TENM3: variants seen among roughly 807,000 people sequenced by gnomAD.
The protein encoded by TENM3 is teneurin transmembrane protein 3.
A neutral mutation model predicts 255.1 loss-of-function variants in TENM3; 63 were observed. The ratio of observed to expected loss-of-function variants is 0.25; its 90% confidence interval spans 0.20 to 0.30. The LOEUF (loss-of-function observed/expected upper bound fraction) is 0.30. TENM3 is among the 10% of genes least tolerant of loss of function. TENM3 has a pLI of 1.00. For missense variants in TENM3, 2,929 were observed against 3,461.1 expected (o/e 0.85, Z 3.86); for synonymous variants, 1,306 against 1,322.3 (o/e 0.99, Z 0.27).
At chr4:182,100,640 T>TATATATACACATATATATACAC in the TENM3 span, among the ~76,000 whole-genome samples, 1 of 50,836 alleles carries the variant, frequency 2.0e-5, no homozygotes, top group Non-Finnish European at 3.8e-5. Flanking sequence ...TATATACACA[T>TATATATACACATATATATACAC]ATATATACAC....
chr4:181,789,038 T>G, the TENM3 span, among the ~76,000 whole-genome samples: 1 of 152,272 alleles, frequency 6.6e-6, no homozygotes, highest in Non-Finnish European at 1.5e-5. Context: ...GTTGGGATAC[T>G]GGCTAGGTGG....
intron 2 of TENM3, among the ~76,000 whole-genome samples, chr4:182,337,513 G>A (rs1764219125): frequency 6.6e-6 from 1 of 152,094 alleles, no homozygotes; most frequent in Admixed American, 6.6e-5. Flanking sequence ...TCATCTTCCA[G>A]AATGGCTAAA....
chr4:181,947,898 C>A, the TENM3 span, among the ~76,000 whole-genome samples: 2 of 152,034 alleles, frequency 1.3e-5, no homozygotes, highest in South Asian at 4.1e-4. Flanking sequence ...TGATACCACC[C>A]CAAAGAGGAA....
At chr4:182,171,653 A>G (rs1488563305) in intron 1 of TENM3, among the ~76,000 whole-genome samples, 1 of 152,168 alleles carries the variant, frequency 6.6e-6, no homozygotes, top group Non-Finnish European at 1.5e-5. Flanking sequence ...GTAATGCACA[A>G]CATAGTTCAG....
At chr4:182,441,136 A>G (rs1772449125) in intron 3 of TENM3, among the ~76,000 whole-genome samples, 1 of 152,156 alleles carries the variant, frequency 6.6e-6, no homozygotes, top group African/African-American at 2.4e-5. Flanking sequence ...CTGGGAGGGT[A>G]TCACAAAATT....
At chr4:181,493,178 C>T in the TENM3 span, among the ~76,000 whole-genome samples, 1 of 151,594 alleles carries the variant, frequency 6.6e-6, no homozygotes, top group Non-Finnish European at 1.5e-5. Flanking sequence ...TGCCTTTAAT[C>T]TCAATATTTT....
intron 3 of TENM3, among the ~76,000 whole-genome samples, chr4:182,597,990 G>A (rs545245279): frequency 3.0e-4 from 45 of 152,222 alleles, no homozygotes; most frequent in African/African-American, 1.1e-3. Flanking sequence ...GACCAGTCTG[G>A]GCAACATAGT....
chr4:182,462,433 A>T (rs1035799164), intron 3 of TENM3, among the ~76,000 whole-genome samples: 1 of 151,474 alleles, frequency 6.6e-6, no homozygotes, highest in African/African-American at 2.4e-5. Context: ...TTCAGATGGT[A>T]AATCCCAGGT....
intron 4 of TENM3, among the ~76,000 whole-genome samples, chr4:182,623,865 T>A (rs1027114210): frequency 6.6e-6 from 1 of 152,252 alleles, no homozygotes; most frequent in Non-Finnish European, 1.5e-5. Context: ...TGGCACACTC[T>A]GCCATCTCTT....
the TENM3 span, among the ~76,000 whole-genome samples, chr4:181,502,575 G>T: frequency 1.3e-5 from 2 of 152,210 alleles, no homozygotes; most frequent in African/African-American, 4.8e-5. Context: ...GGGTGGAGAT[G>T]ATATGTCTCA....
the TENM3 span, among the ~76,000 whole-genome samples, chr4:181,987,540 A>G: frequency 6.6e-6 from 1 of 152,116 alleles, no homozygotes; most frequent in South Asian, 2.1e-4. Flanking sequence ...GTTACAACTG[A>G]AACCTGAATC....
chr4:181,788,151 C>T, the TENM3 span, among the ~76,000 whole-genome samples: 1 of 151,950 alleles, frequency 6.6e-6, no homozygotes, highest in Non-Finnish European at 1.5e-5. Context: ...CTGTTAACAC[C>T]CTTAAATTAA....
chr4:182,703,697 G>A (rs1758065063), intron 12 of TENM3, among the ~76,000 whole-genome samples: 1 of 152,196 alleles, frequency 6.6e-6, no homozygotes, highest in South Asian at 2.1e-4. Context: ...TCCTAGGTAA[G>A]TTAAAAGGAT....
intron 1 of TENM3, among the ~76,000 whole-genome samples, chr4:182,224,730 C>T (rs528183521): frequency 1.1e-4 from 16 of 149,778 alleles, no homozygotes; most frequent in African/African-American, 3.9e-4. Context: ...ACTTTTCAGT[C>T]AGATATCTTT....
intron 2 of TENM3, among the ~76,000 whole-genome samples, chr4:182,336,925 T>C (rs1023344075): frequency 6.6e-6 from 1 of 151,508 alleles, no homozygotes; most frequent in Non-Finnish European, 1.5e-5. Flanking sequence ...GGGAGATCTT[T>C]GAGAGCCTCT....
chr4:182,196,790 G>A (rs1487040919), intron 1 of TENM3, among the ~76,000 whole-genome samples: 3 of 152,162 alleles, frequency 2.0e-5, no homozygotes, highest in Admixed American at 6.5e-5. Context: ...ATACCCTGAT[G>A]TTTTTAAAAC....
At chr4:181,551,983 A>T in the TENM3 span, among the ~76,000 whole-genome samples, 1 of 151,752 alleles carries the variant, frequency 6.6e-6, no homozygotes, top group Non-Finnish European at 1.5e-5. Context: ...TTCTTGGTTC[A>T]AAAGATTAGG....
the TENM3 span, chr4:181,906,010 T>C: frequency 2.1e-6 from 1 of 479,236 alleles, no homozygotes. Flanking sequence ...CTTTTCATTA[T>C]ATCTCGTAAC....
the TENM3 span, among the ~76,000 whole-genome samples, chr4:181,463,073 C>A: frequency 6.6e-6 from 1 of 152,204 alleles, no homozygotes; most frequent in Non-Finnish European, 1.5e-5. Flanking sequence ...AATTCATTAT[C>A]ATAGTCTGAT....
Sources: gnomAD v4.1 joint callset for allele counts (sites outside exome capture counted in the v4.1 genomes callset) on GRCh38, gnomAD v4.1.1 for gene constraint, MANE v1.5 for transcripts, NCBI Gene and HGNC (gene_info 2026-07-23, HGNC 2026-07-21) for gene names.